PTPRD: variants seen among roughly 807,000 people sequenced by gnomAD.
The protein encoded by PTPRD is receptor-type tyrosine-protein phosphatase delta.
Under a neutral mutation model 214.5 loss-of-function variants are expected in PTPRD, and 34 were observed. That is an observed-to-expected ratio of 0.16 (90% CI 0.12 to 0.21). The LOEUF is 0.21. Among genes scored for constraint, PTPRD ranks in the 10% least tolerant of loss-of-function variants. The probability of loss-of-function intolerance (pLI) is 1.00; values close to 1 mark genes in which losing one functional copy is unlikely to be tolerated. For missense variants in PTPRD, 2,545 were observed against 2,398.7 expected (o/e 1.06, Z -1.27); for synonymous variants, 1,128 against 845.7 (o/e 1.33, Z -5.79).
chr9:10,522,339 G>C (rs981987546), intron 2 of PTPRD, among the ~76,000 whole-genome samples: 1 of 152,102 alleles, frequency 6.6e-6, no homozygotes, highest in Non-Finnish European at 1.5e-5. Flanking sequence ...CATCACAAGC[G>C]TCCTCTTCAG....
At chr9:10,150,547 A>T (rs2099053851) in intron 3 of PTPRD, among the ~76,000 whole-genome samples, 1 of 152,080 alleles carries the variant, frequency 6.6e-6, no homozygotes, top group Admixed American at 6.6e-5. Context: ...GCATTAGGAG[A>T]TATACCTAAT....
intron 9 of PTPRD, among the ~76,000 whole-genome samples, chr9:9,275,883 T>C (rs1595002263): frequency 6.6e-6 from 1 of 151,070 alleles, no homozygotes; most frequent in Non-Finnish European, 1.5e-5. Flanking sequence ...AGGATTCTTC[T>C]ACTATACTAG....
At chr9:9,044,353 A>T (rs1297600066) in intron 10 of PTPRD, among the ~76,000 whole-genome samples, 1 of 152,208 alleles carries the variant, frequency 6.6e-6, no homozygotes, top group Non-Finnish European at 1.5e-5. Context: ...GTGATTGACC[A>T]CTGTGAGTGG....
intron 14 of PTPRD, among the ~76,000 whole-genome samples, chr9:8,551,886 T>C (rs560942075): frequency 6.6e-6 from 1 of 152,328 alleles, no homozygotes; most frequent in African/African-American, 2.4e-5. Context: ...GATCCAGTCA[T>C]CCTGTTCCAA....
intron 12 of PTPRD, chr9:8,713,720 G>A (rs2098396509): frequency 1.3e-6 from 2 of 1,506,588 alleles, no homozygotes; most frequent in Admixed American, 1.7e-5. Flanking sequence ...GCCAGCAAGT[G>A]ACGCCGGCAG....
intron 12 of PTPRD, among the ~76,000 whole-genome samples, chr9:8,690,716 A>G (rs2097785174): frequency 6.6e-6 from 1 of 152,146 alleles, no homozygotes; most frequent in Non-Finnish European, 1.5e-5. Context: ...AAATGTAGAG[A>G]AAAGACATAA....
intron 3 of PTPRD, among the ~76,000 whole-genome samples, chr9:10,065,500 G>A (rs1428380311): frequency 6.6e-6 from 1 of 151,422 alleles, no homozygotes; most frequent in Non-Finnish European, 1.5e-5. Flanking sequence ...TGCACCACTA[G>A]ACCATTTGAT....
chr9:10,440,131 T>C (rs1431411445), intron 2 of PTPRD, among the ~76,000 whole-genome samples: 1 of 151,604 alleles, frequency 6.6e-6, no homozygotes, highest in Admixed American at 6.6e-5. Context: ...ATTTTTACTA[T>C]TAGTAATAAC....
At position 8,460,579 on chromosome 9, in the gene PTPRD, A is replaced by G. The variant is rs763032947; in HGVS notation, c.3715-8T>C. On this transcript the variant is annotated splice_polypyrimidine_tract_variant and splice_region_variant and intron_variant, in intron 32 of 45. Transcript: ENST00000381196. The stretch of plus-strand genomic sequence containing the variant: ...GCTGGTTGCATACATCTTCTGAGGA[A>G]AAGCAGAGTCTATTTCAGTTATAAA... 21 of 1,609,634 alleles carry G rather than the reference A, an allele frequency of 1.3e-5. No homozygotes were observed. In the East Asian group the frequency reaches 4.7e-4, roughly 36 times the overall value.
chr9:9,495,568 C>G (rs1589857858), intron 8 of PTPRD, among the ~76,000 whole-genome samples: 1 of 152,210 alleles, frequency 6.6e-6, no homozygotes, highest in East Asian at 1.9e-4. Flanking sequence ...ATGGCTGGAC[C>G]TTGAGGGAGT....
At chr9:9,318,110 G>T (rs2135836404) in intron 9 of PTPRD, among the ~76,000 whole-genome samples, 1 of 151,986 alleles carries the variant, frequency 6.6e-6, no homozygotes, top group South Asian at 2.1e-4. Flanking sequence ...TGCGGAGGTT[G>T]CAGTAAGCCG....
intron 14 of PTPRD, among the ~76,000 whole-genome samples, chr9:8,558,613 C>A (rs1399585190): frequency 6.6e-6 from 1 of 152,164 alleles, no homozygotes; most frequent in East Asian, 1.9e-4. Context: ...CATGGCAGGC[C>A]AGATGAAGCC....
intron 4 of PTPRD, among the ~76,000 whole-genome samples, chr9:9,946,959 T>C (rs1304036313): frequency 6.6e-6 from 1 of 152,054 alleles, no homozygotes; most frequent in Non-Finnish European, 1.5e-5. Context: ...CGATTATATA[T>C]ATTAAAATCC....
chr9:10,219,934 T>C (rs1299890153), intron 3 of PTPRD, among the ~76,000 whole-genome samples: 1 of 151,838 alleles, frequency 6.6e-6, no homozygotes, highest in Non-Finnish European at 1.5e-5. Context: ...TACATTGTTA[T>C]ATACAATCTG....
At chr9:8,926,660 A>G (rs148584092) in intron 11 of PTPRD, among the ~76,000 whole-genome samples, 49 of 152,296 alleles carry the variant, frequency 3.2e-4, no homozygotes, top group African/African-American at 1.2e-3. Context: ...AATCATTCCC[A>G]TGTCTGAATT....
intron 8 of PTPRD, among the ~76,000 whole-genome samples, chr9:9,459,239 A>G (rs2093402494): frequency 6.6e-6 from 1 of 152,052 alleles, no homozygotes; most frequent in Non-Finnish European, 1.5e-5. Context: ...CAAGGAACCC[A>G]TACATCATAC....
chr9:8,367,361 T>G (rs1420064900), intron 39 of PTPRD, among the ~76,000 whole-genome samples: 2 of 152,150 alleles, frequency 1.3e-5, no homozygotes, highest in South Asian at 4.1e-4. Context: ...AAGGGGACAT[T>G]TGGCTATGCC....
At chr9:10,512,650 C>A (rs1408173420) in intron 2 of PTPRD, among the ~76,000 whole-genome samples, 2 of 151,812 alleles carry the variant, frequency 1.3e-5, no homozygotes, top group Admixed American at 6.6e-5. Context: ...GAAAATAGGT[C>A]AATTTGTTGA....
At chr9:8,336,904 T>C (rs987748365) in intron 43 of PTPRD, among the ~76,000 whole-genome samples, 4 of 152,154 alleles carry the variant, frequency 2.6e-5, no homozygotes, top group African/African-American at 7.2e-5. Flanking sequence ...TGAGATACCA[T>C]CTTACACCAG....
Sources: allele counts gnomAD v4.1 joint callset (sites outside exome capture counted in the v4.1 genomes callset), GRCh38; gene constraint gnomAD v4.1.1; transcripts MANE v1.5; gene names NCBI Gene and HGNC (gene_info 2026-07-23, HGNC 2026-07-21).